NEB: variants seen among roughly 807,000 people sequenced by gnomAD.
The protein encoded by NEB is nebulin.
Under a neutral mutation model 952.2 loss-of-function variants are expected in NEB, and 512 were observed. The ratio of observed to expected loss-of-function variants is 0.54; its 90% CI spans 0.50 to 0.58. The LOEUF is 0.58. Ranked by LOEUF, NEB falls within the 20% of genes least tolerant of loss-of-function variation. The probability of loss-of-function intolerance (pLI) is 0.00; values close to 1 mark genes in which losing one functional copy is unlikely to be tolerated. For missense variants in NEB, 8,428 were observed against 9,231.1 expected, an observed-to-expected ratio of 0.91 and a Z score of 3.56; for synonymous variants, 2,900 against 3,149.8, an observed-to-expected ratio of 0.92 and a Z score of 2.66.
intron 107 of NEB, among the ~76,000 whole-genome samples, chr2:151,573,270 T>G (rs1395415742): frequency 1.3e-5 from 2 of 152,218 alleles, no homozygotes; most frequent in East Asian, 3.8e-4. Context: ...GTTAATAATT[T>G]TACTTTTAGC....
chr2:151,677,571 G>A lies in NEB; in HGVS notation c.3768C>T (p.Val1256=). ...MVQAKQNTKQ[V]SDILYKAKGE... The stretch of plus-strand genomic sequence containing the variant: ...TCTATTTTATTGTACTCACATCACT[G>A]ACTTGCTTCGTGTTCTGTTTTGCCT... Residue 1256 remains valine (V), a synonymous_variant, in exon 34 of 182, where the codon GTC becomes GTT. Coordinates refer to ENST00000397345, the MANE Select transcript of NEB (RefSeq NM_001164508.2). 1 of 1,612,688 alleles carries A rather than the reference G, an allele frequency of 6.2e-7. No homozygotes were observed. The highest frequency in any genetic ancestry group is 8.5e-7 in the Non-Finnish European group (1 of 1,178,954).
chr2:151,668,906 TA>T, intron 39 of NEB, 120 bp downstream of exon 39: 1 of 723,716 alleles, frequency 1.4e-6, no homozygotes, highest in Non-Finnish European at 2.2e-6. Flanking sequence ...GTTAAGGGTT[TA>T]ATGTGGAGGC....
At chr2:151,556,256 C>T (rs533374072) in intron 124 of NEB, among the ~76,000 whole-genome samples, 2 of 152,254 alleles carry the variant, frequency 1.3e-5, no homozygotes, top group African/African-American at 2.4e-5. Context: ...TACTGAGTCA[C>T]TAGCATTTAA....
intron 71 of NEB, among the ~76,000 whole-genome samples, chr2:151,621,477 T>C (rs2154029231): frequency 6.6e-6 from 1 of 152,356 alleles, no homozygotes; most frequent in South Asian, 2.1e-4. Context: ...AGATGTGTCA[T>C]TCTTTCTGAA....
Position 151,518,420 on chromosome 2 carries a change from G to C in NEB, c.22698C>G (p.Tyr7566Ter). 1 of 1,589,528 alleles carries C rather than the reference G, an allele frequency of 6.3e-7. No homozygotes were observed. ...TCTTCTCATACTTCTTCTTGTACTG[G>C]TACTGAGGGGAAGGCGGCAAAAAAG... ...VLNTSQLASS[Y>*]QYKKKYEKSK... Residue 7566 changes from tyrosine to a stop codon, truncating the protein, a stop_gained and splice_region_variant, in exon 156 of 182, where the codon TAC becomes TAG. Coordinates refer to ENST00000397345, the MANE Select transcript of NEB (RefSeq NM_001164508.2). LOFTEE classifies it high-confidence loss of function.
At position 151,614,502 on chromosome 2, in the gene NEB, G is replaced by A; in HGVS notation, c.11375C>T (p.Ser3792Phe). 3.1e-6 allele frequency: 5 copies of A among 1,613,826 alleles called. No homozygotes were observed. Among genetic ancestry groups the A allele is most frequent in the East Asian group, 2.2e-5 (1 of 44,868 alleles). Residue 3792 changes from serine to phenylalanine, a missense_variant, in exon 77 of 182, where the codon TCC (serine) becomes TTC (phenylalanine). Coordinates refer to ENST00000397345, the MANE Select transcript of NEB (RefSeq NM_001164508.2). ...NIKDDPKMMW[S>F]IHVAKIQSDR... The stretch of plus-strand genomic sequence containing the variant: ...ACTCTGGATCTTGGCCACATGGATG[G>A]ACCACATCATCTTCGGGTCATCCTT...
Position 151,553,495 on chromosome 2 carries a change from T to G in NEB, c.19634A>C (p.Tyr6545Ser), listed in dbSNP as rs781383712. 3.7e-6 allele frequency: 6 copies of G among 1,609,524 alleles called. No individual in the cohort carries two copies. Among genetic ancestry groups the G allele is most frequent in the Non-Finnish European group, 5.1e-6 (6 of 1,176,206 alleles). Residue 6545 changes from tyrosine to serine, a missense_variant, in exon 127 of 182, where the codon TAC becomes TCC. This residue lies in a region of NEB where 3,374 missense variants were observed against 3,651.5 expected (regional missense o/e 0.92). Coordinates refer to ENST00000397345, the MANE Select transcript of NEB (RefSeq NM_001164508.2). ...TTTCAGCCAGTTGAGGTCATCCTTG[T>G]ATACAATCTAGAGGGTTTTGATAGA... ...KVTDQISDIV[Y>S]KDDLNWLKGI...
chr2:151,711,256 G>A (rs2099744344), intron 10 of NEB, among the ~76,000 whole-genome samples: 1 of 152,214 alleles, frequency 6.6e-6, no homozygotes, highest in South Asian at 2.1e-4. Flanking sequence ...TACCTTGGCT[G>A]AAGTGTTCTT....
chr2:151,666,573 T>C (rs1267048033), intron 40 of NEB, among the ~76,000 whole-genome samples, 172 bp from the exon 41 acceptor site: 4 of 152,190 alleles, frequency 2.6e-5, no homozygotes, highest in African/African-American at 9.7e-5. Context: ...ATGGCTCATC[T>C]TGAGACCTGC....
chr2:151,685,125 T>C lies in NEB; in HGVS notation c.2638-150A>G, dbSNP rs113424185. On this transcript the variant is annotated intron_variant, in intron 27 of 181. Coordinates refer to ENST00000397345, the MANE Select transcript of NEB (RefSeq NM_001164508.2). Reference sequence around the variant, plus strand: ...CCCAAAAATGTGTTCATATGTTACATACCATTGAAATTCCCCCAAAAAGCA... The same window carrying C: ...CCCAAAAATGTGTTCATATGTTACACACCATTGAAATTCCCCCAAAAAGCA... 1,395 of 805,490 alleles carry C rather than the reference T, an allele frequency of 1.7e-3. 14 individuals are homozygous for C. The African/African-American group carries it at 0.021, about 12-fold the overall frequency. The allele number at this position is 805,490 out of a possible 1,614,324, so 49.9% of individuals were successfully genotyped here.
At chr2:151,490,972 T>C (rs1372280569) in intron 179 of NEB, among the ~76,000 whole-genome samples, 1 of 152,230 alleles carries the variant, frequency 6.6e-6, no homozygotes, top group Non-Finnish European at 1.5e-5. Context: ...ACCATGGATT[T>C]ACTTCTGTGT....
intron 180 of NEB, 80 bp from the exon 181 acceptor site, chr2:151,490,157 G>A (rs915096660): frequency 3.2e-6 from 4 of 1,243,038 alleles, no homozygotes; most frequent in Non-Finnish European, 4.5e-6. Context: ...GCTGAGTGAT[G>A]TCTTTTTCCC....
At chr2:151,673,936 GC>G (rs1454588443) in intron 36 of NEB, among the ~76,000 whole-genome samples, 1 of 151,696 alleles carries the variant, frequency 6.6e-6, no homozygotes, top group Non-Finnish European at 1.5e-5. Flanking sequence ...TTTTGGCCAG[GC>G]GTGAGCCACC....
chr2:151,581,733 A>G, intron 102 of NEB, 146 bp from the exon 103 acceptor site: 2 of 651,908 alleles, frequency 3.1e-6, no homozygotes, highest in Non-Finnish European at 5.1e-6. Flanking sequence ...TAAAACTAAC[A>G]TAAGTAAATT....
chr2:151,696,518 A>G, intron 17 of NEB, 119 bp downstream of exon 17: 1 of 742,060 alleles, frequency 1.3e-6, no homozygotes, highest in Non-Finnish European at 2.3e-6. Flanking sequence ...ATACTGTTTA[A>G]ACTTGCTAAT....
At position 151,502,868 on chromosome 2, in the gene NEB, AT is replaced by A. The variant is rs2065788217; in HGVS notation, c.23852del (p.Asn7951IlefsTer33). ...ENFSSVLYKE[N>X]LGKGIPTPIT... ...TAGGTGTTGGGATTCCTTTCCCCAA[AT>A]TTTCTTTGTACAAAACCTGTGAGAT... is the stretch of plus-strand genomic sequence containing the variant. On this transcript the variant is annotated frameshift_variant, in exon 167 of 182. Transcript: ENST00000397345. LOFTEE classifies it high-confidence loss of function. 6.2e-7 allele frequency: 1 copy of A among 1,601,282 alleles called. No individual in the cohort carries two copies. Among genetic ancestry groups the A allele is most frequent in the Non-Finnish European group, 8.5e-7 (1 of 1,172,644 alleles).
chr2:151,506,207 C>G lies in NEB; in HGVS notation c.23608G>C (p.Glu7870Gln), dbSNP rs1559338128. ...SPGTAIGKTP[E>Q]MMRVKQTQDH... ...TGTGTTTGTTTCACTCTCATCATCT[C>G]AGGTGTCTTTCCGATAGCCGTTCCT... The change falls in exon 164 of 182, where the codon GAG becomes CAG. Residue 7870 changes from glutamate to glutamine, a missense_variant. Glu to Gln is a conservative substitution (Grantham distance 29). This residue lies in a region of NEB where 3,374 missense variants were observed against 3,651.5 expected (regional missense o/e 0.92). Transcript: ENST00000397345. The G allele has an allele frequency of 1.2e-6, 2 of 1,613,810 alleles. No individual in the cohort carries two copies. The highest frequency in any genetic ancestry group is 2.7e-5 in the African/African-American group (2 of 75,052).
At position 151,640,553 on chromosome 2, in the gene NEB, G is replaced by A. The variant is rs1243027424; in HGVS notation, c.8487C>T (p.Asp2829=). The change falls in exon 61 of 182, where the codon GAC becomes GAT. Residue 2829 remains aspartate, a synonymous_variant. Transcript: ENST00000397345. Reference sequence around the variant, plus strand: ...TCTCAAAGTCCTTCTTGTACTCCCTGTCACTCTGGATCTTGGCCACGTGCA... The same window carrying A: ...TCTCAAAGTCCTTCTTGTACTCCCTATCACTCTGGATCTTGGCCACGTGCA... ...WSMHVAKIQS[D]REYKKDFEKW... is the part of the protein sequence containing the mutation. 6.2e-7 allele frequency: 1 copy of A among 1,613,750 alleles called. No homozygotes were observed. Among genetic ancestry groups the A allele is most frequent in the African/African-American group, 1.3e-5 (1 of 74,878 alleles).
chr2:151,685,040 T>G, intron 27 of NEB, 65 bp from the exon 28 acceptor site: 1 of 1,433,180 alleles, frequency 7.0e-7, no homozygotes, highest in Non-Finnish European at 9.6e-7. Flanking sequence ...AAGACAGAGA[T>G]CTTTCATAAA....
Sources: gnomAD v4.1 joint callset for allele counts (sites outside exome capture counted in the v4.1 genomes callset) on GRCh38, gnomAD v4.1.1 for gene constraint, gnomAD v4.1.1 regional missense constraint, MANE v1.5 for transcripts, NCBI Gene and HGNC (gene_info 2026-07-23, HGNC 2026-07-21) for gene names.